Variants in EFR3B observed in about 807,000 individuals in gnomAD.
EFR3B encodes protein EFR3 homolog B.
In EFR3B, 64 loss-of-function variants were observed where a neutral mutation model predicts 104.7. The observed-to-expected ratio is 0.61, with a 90% confidence interval of 0.50 to 0.75. The LOEUF is 0.75. EFR3B is among the 30% of genes least tolerant of loss of function. The pLI is 0.00. For synonymous variants in EFR3B, 385 were observed against 417.9 expected, an observed-to-expected ratio of 0.92 and a Z score of 0.96; for missense variants, 750 against 1,078.5, an observed-to-expected ratio of 0.70 and a Z score of 4.27.
chr2:25,111,762 T>A (rs1188628044), intron 4 of EFR3B, among the ~76,000 whole-genome samples: 3 of 152,142 alleles, frequency 2.0e-5, no homozygotes, highest in African/African-American at 7.2e-5. Flanking sequence ...CAAAGAGATC[T>A]GAAGATGCCC....
At chr2:25,132,661 G>A (rs1670382806) in intron 10 of EFR3B, among the ~76,000 whole-genome samples, 1 of 145,396 alleles carries the variant, frequency 6.9e-6, no homozygotes, top group Non-Finnish European at 1.5e-5. Flanking sequence ...AAGGAGTCAA[G>A]ACCTTAACCA....
In EFR3B at chr2:25,046,506, C is replaced by CTTTTTTTTTT. The variant is rs531667109; in HGVS notation, c.7+4194_7+4203dup. ...GCAGGCTCCCCCTGAAGTACAAAGT[C>CTTTTTTTTTT]TTTTTTTTTTTTTTTTGAGACGGAG... On this transcript the variant is annotated intron_variant, in intron 1 of 22. Coordinates refer to ENST00000403714, the MANE Select transcript of EFR3B (RefSeq NM_014971.2). Among the ~76,000 whole-genome samples, 67 of 119,094 alleles carry CTTTTTTTTTT rather than the reference C, an allele frequency of 5.6e-4. 3 individuals carry two copies. In the South Asian group the frequency reaches 7.9e-3, roughly 14 times the overall value. 78.1% of individuals were successfully genotyped at this position (119,094 alleles called of 152,430 possible). A position where few individuals can be genotyped will look rare whatever the true frequency, so the allele number is the denominator to read the frequency against.
At chr2:25,065,030 C>T (rs1179104756) in intron 1 of EFR3B, among the ~76,000 whole-genome samples, 1 of 152,128 alleles carries the variant, frequency 6.6e-6, no homozygotes, top group African/African-American at 2.4e-5. Flanking sequence ...CAAGGATCTG[C>T]ACTGCTGGTG....
In EFR3B at chr2:25,139,061, C is replaced by A. The variant is rs1436978448; in HGVS notation, c.1725C>A (p.Asp575Glu). The change falls in exon 16 of 23, where the codon GAC becomes GAA. Residue 575 changes from aspartate to glutamate, a missense_variant and splice_region_variant. By Grantham distance (45) the Asp-to-Glu change is conservative. Transcript: ENST00000403714. ...AGGCCTTGTCTATGTTGCCGCAGGA[C>A]GTGGCCCAAGTCAATGAGGAGAACT... Reference protein sequence around the residue: ...DLIRLVLAVQDVAQVNEENLP... With the variant: ...DLIRLVLAVQEVAQVNEENLP... 1.3e-6 allele frequency: 2 copies of A among 1,551,674 alleles called. No homozygotes were observed. Among genetic ancestry groups the A allele is most frequent in the South Asian group, 1.2e-5 (1 of 84,046 alleles).
intron 6 of EFR3B, 112 bp downstream of exon 6, chr2:25,128,444 A>C: frequency 7.2e-7 from 1 of 1,385,776 alleles, no homozygotes; most frequent in Non-Finnish European, 9.8e-7. Context: ...GGCCAGGGAC[A>C]TGGCTTTGTG....
At chr2:25,139,212 A>T (rs776290719) in intron 16 of EFR3B, 22 bp downstream of exon 16, 6 of 1,546,542 alleles carry the variant, frequency 3.9e-6, no homozygotes, top group Middle Eastern at 1.7e-4. Flanking sequence ...CACGACCAAG[A>T]GCTCAGGGGG....
At position 25,157,522 on chromosome 2, in the gene EFR3B, ATT is replaced by A. The variant is rs1250739505; in HGVS notation, c.*3185_*3186del. On this transcript the variant is annotated 3_prime_UTR_variant, in exon 23 of 23. Transcript: ENST00000403714. ...CTTTTTGCCACCCTTCTCTGATGTG[ATT>A]TTGAGCGAAGAGGAGTCAGTAAGCC... 1.3e-5 allele frequency: 2 copies of A among 152,218 alleles called. No individual in the cohort carries two copies. Among genetic ancestry groups the A allele is most frequent in the Non-Finnish European group, 2.9e-5 (2 of 68,124 alleles). 9.4% of individuals were successfully genotyped at this position (152,218 alleles called of 1,614,324 possible).
chr2:25,068,480 C>A (rs1055716116), intron 1 of EFR3B, among the ~76,000 whole-genome samples: 1 of 152,128 alleles, frequency 6.6e-6, no homozygotes, highest in African/African-American at 2.4e-5. Flanking sequence ...TTTCTCAAGC[C>A]TCATTCATTA....
rs1447858162 is a variant in EFR3B, at chr2:25,149,637, G to A, written c.2143-57G>A. ...CTGCCAGAGAGCTGGGGGTGCCAGG[G>A]CTGCCTCCTTTCTCTGCCCCCTGCC... On this transcript the variant is annotated intron_variant, in intron 19 of 22. Coordinates refer to ENST00000403714, the MANE Select transcript of EFR3B (RefSeq NM_014971.2). The A allele has an allele frequency of 3.3e-6, 5 of 1,524,972 alleles. No homozygotes were observed. The East Asian group carries it at 7.4e-5, about 22-fold the overall frequency. 94.5% of individuals were successfully genotyped at this position (1,524,972 alleles called of 1,614,324 possible).
At chr2:25,110,587 C>A (rs1669697817) in intron 4 of EFR3B, among the ~76,000 whole-genome samples, 1 of 152,176 alleles carries the variant, frequency 6.6e-6, no homozygotes. Context: ...TCTTTCTGCC[C>A]CTTCCCCATC....
In EFR3B at chr2:25,091,399, G is replaced by A. The variant is rs1170316474; in HGVS notation, c.82G>A (p.Glu28Lys). Residue 28 changes from glutamate (E) to lysine (K), a missense_variant and splice_region_variant, in exon 2 of 23, where the codon GAG (glutamate) becomes AAG (lysine). Physicochemically the swap from Glu to Lys is moderately conservative, Grantham distance 56. Transcript: ENST00000403714. Reference sequence around the variant, plus strand: ...TGACAACATCTTCCCTGAGGATCCCGAGGTGGGTCATGTCTCTGGCAGGCA... The same window carrying A: ...TGACAACATCTTCCCTGAGGATCCCAAGGTGGGTCATGTCTCTGGCAGGCA... ...LVDNIFPEDP[E>K]DGLVKTNMEK... 3.2e-6 allele frequency: 5 copies of A among 1,549,208 alleles called. No homozygotes were observed. Among genetic ancestry groups the A allele is most frequent in the South Asian group, 1.2e-5 (1 of 83,802 alleles).
chr2:25,136,503 C>T lies in EFR3B; in HGVS notation c.1485-20C>T. On this transcript the variant is annotated intron_variant, in intron 13 of 22. Transcript: ENST00000403714. This position sits in a 1 kb window ranked among gnomAD's most constrained non-coding sequence, Gnocchi z 4.0. ...TGGCCTCATGCAAGGGCTAAGGAGG[C>T]CCTTTGCATCCCTTCCCAGTACCCT... 1 of 1,546,730 alleles carries T rather than the reference C, an allele frequency of 6.5e-7. No homozygotes were observed. The highest frequency in any genetic ancestry group is 1.4e-5 in the African/African-American group (1 of 73,040).
At chr2:25,147,037 C>T (rs1670836769) in intron 19 of EFR3B, 1 of 152,542 alleles carries the variant, frequency 6.6e-6, no homozygotes, top group African/African-American at 2.4e-5. Flanking sequence ...CATCTCCAGG[C>T]CTTTGCTAGT....
chr2:25,087,359 A>ATG (rs1668981753), intron 1 of EFR3B, among the ~76,000 whole-genome samples: 1 of 100,314 alleles, frequency 1.0e-5, no homozygotes, highest in South Asian at 3.7e-4. Context: ...ATCTTCATAT[A>ATG]TGTATATATA....
chr2:25,102,691 A>C (rs988011666), intron 3 of EFR3B, among the ~76,000 whole-genome samples: 1 of 152,142 alleles, frequency 6.6e-6, no homozygotes, highest in Admixed American at 6.6e-5. Context: ...GCCAAACCAT[A>C]CTAGTTGTCA....
At chr2:25,092,896 AG>A in intron 2 of EFR3B, 106 bp from the exon 3 acceptor site, 1 of 1,388,688 alleles carries the variant, frequency 7.2e-7, no homozygotes. Flanking sequence ...ACATCCATAA[AG>A]GACACTCTGT....
intron 5 of EFR3B, among the ~76,000 whole-genome samples, chr2:25,123,752 G>A (rs1264153113): frequency 2.0e-5 from 3 of 152,268 alleles, no homozygotes; most frequent in Admixed American, 2.0e-4. Context: ...AGCTGTCCCA[G>A]GGTGGTGGGG....
At position 25,104,061 on chromosome 2, in the gene EFR3B, G is replaced by T. The variant is rs146131194; in HGVS notation, c.363+274G>T. ...TTTCAAGCATCCCATTTTAAACCCC[G>T]TGGTGGCCAGGCACAGTGGCTCACA... is the stretch of plus-strand genomic sequence containing the variant. On this transcript the variant is annotated intron_variant, in intron 4 of 22. Transcript: ENST00000403714. Among the ~76,000 whole-genome samples, 757 of 151,736 alleles carry T rather than the reference G, an allele frequency of 5.0e-3. 1 individual carries two copies. Among genetic ancestry groups the T allele is most frequent in the Non-Finnish European group, 8.1e-3 (548 of 67,920 alleles).
rs912765229 is a variant in EFR3B at position 25,156,637 on chromosome 2, A to C, written c.*2297A>C. The C allele has an allele frequency of 3.9e-5, 6 of 152,230 alleles. No homozygotes were observed. The highest frequency in any genetic ancestry group is 3.9e-4 in the Admixed American group (6 of 15,280). 9.4% of individuals were successfully genotyped at this position (152,230 alleles called of 1,614,324 possible). A position where few individuals can be genotyped will look rare whatever the true frequency, so the allele number is the denominator to read the frequency against. ...AATGGCCTGAGTGAGGGCAGGGCCCAGGCATGGAGGCTCCTGCACCCCCAA... is the reference window on the plus strand; with the variant it reads ...AATGGCCTGAGTGAGGGCAGGGCCCCGGCATGGAGGCTCCTGCACCCCCAA... On this transcript the variant is annotated 3_prime_UTR_variant, in exon 23 of 23. Coordinates refer to ENST00000403714, the MANE Select transcript of EFR3B (RefSeq NM_014971.2).
Sources: gnomAD v4.1 joint callset for allele counts (sites outside exome capture counted in the v4.1 genomes callset) on GRCh38, gnomAD v4.1.1 for gene constraint, Gnocchi (gnomAD v3.1) non-coding constraint, MANE v1.5 for transcripts, NCBI Gene and HGNC (gene_info 2026-07-23, HGNC 2026-07-21) for gene names.